The following COMMD1 variants were observed in gnomAD, a reference collection of about 807,000 sequenced individuals.
The protein encoded by COMMD1 is COMM domain-containing protein 1.
Under a neutral mutation model 17.2 loss-of-function variants are expected in COMMD1, and 10 were observed. That is an observed-to-expected ratio of 0.58 (90% CI 0.36 to 0.99). COMMD1 has a LOEUF of 0.99. COMMD1 is among the 50% of genes least tolerant of loss of function. The pLI, the probability that COMMD1 is intolerant of heterozygous loss-of-function variation, is 0.01. For missense variants in COMMD1, 270 were observed against 231.8 expected (o/e 1.17, Z -1.07); for synonymous variants, 97 against 91.6 (o/e 1.06, Z -0.34).
chr2:61,949,587 A>C (rs1460777003), intron 1 of COMMD1, among the ~76,000 whole-genome samples: 1 of 152,230 alleles, frequency 6.6e-6, no homozygotes, highest in Non-Finnish European at 1.5e-5. Context: ...AAGAGAGAAG[A>C]AATAAAAATC....
chr2:62,083,643 G>T (rs889081486), intron 2 of COMMD1, among the ~76,000 whole-genome samples: 3 of 152,156 alleles, frequency 2.0e-5, no homozygotes, highest in Admixed American at 2.0e-4. Context: ...TCTGTTTCCT[G>T]TAAGATGAAA....
chr2:62,108,313 C>T (rs2104036987), intron 2 of COMMD1, among the ~76,000 whole-genome samples: 1 of 152,124 alleles, frequency 6.6e-6, no homozygotes, highest in South Asian at 2.1e-4. Flanking sequence ...GTCTGGGGCC[C>T]TGTCAATTAA....
chr2:61,964,635 C>A (rs1171584147), intron 1 of COMMD1, among the ~76,000 whole-genome samples: 3 of 151,626 alleles, frequency 2.0e-5, no homozygotes, highest in Non-Finnish European at 2.9e-5. Context: ...GAGTTCAAGA[C>A]CAGCCTGACC....
At chr2:61,981,077 A>C (rs1390819699) in intron 1 of COMMD1, among the ~76,000 whole-genome samples, 1 of 152,140 alleles carries the variant, frequency 6.6e-6, no homozygotes, top group South Asian at 2.1e-4. Flanking sequence ...ATAGTTTACA[A>C]ATATTTTCTC....
intron 1 of COMMD1, among the ~76,000 whole-genome samples, chr2:61,994,869 G>T (rs960396985): frequency 2.0e-5 from 3 of 152,154 alleles, no homozygotes; most frequent in Non-Finnish European, 4.4e-5. Flanking sequence ...ATTGGGACCA[G>T]TCAGTGCGCC....
chr2:62,041,718 C>A (rs1446986541), intron 2 of COMMD1, among the ~76,000 whole-genome samples: 1 of 152,138 alleles, frequency 6.6e-6, no homozygotes, highest in Non-Finnish European at 1.5e-5. Context: ...GCCGCGGACC[C>A]TCACGGGTGA....
At chr2:61,971,614 T>A (rs912711114) in intron 1 of COMMD1, among the ~76,000 whole-genome samples, 2 of 152,088 alleles carry the variant, frequency 1.3e-5, no homozygotes, top group African/African-American at 4.8e-5. Flanking sequence ...AGAAGCCTCA[T>A]GATATCCCAC....
intron 2 of COMMD1, among the ~76,000 whole-genome samples, chr2:62,019,011 C>G (rs1317034034): frequency 6.6e-6 from 1 of 151,680 alleles, no homozygotes; most frequent in Non-Finnish European, 1.5e-5. Flanking sequence ...CTCCTACAAC[C>G]AACCAACCAA....
intron 2 of COMMD1, among the ~76,000 whole-genome samples, chr2:62,075,624 C>T (rs1183267650): frequency 6.6e-6 from 1 of 152,136 alleles, no homozygotes; most frequent in Non-Finnish European, 1.5e-5. Context: ...ATGAATTTCC[C>T]AAGGCTTCAT....
At chr2:61,998,068 C>T (rs1301119874) in intron 1 of COMMD1, among the ~76,000 whole-genome samples, 2 of 152,142 alleles carry the variant, frequency 1.3e-5, no homozygotes, top group African/African-American at 2.4e-5. Flanking sequence ...ATGAACCAAC[C>T]TTGCTTCAAA....
chr2:61,915,594 A>T (rs975368878), intron 1 of COMMD1: 3 of 383,078 alleles, frequency 7.8e-6, no homozygotes, highest in African/African-American at 6.4e-5. Context: ...GGCTCCAATG[A>T]TCCTCCCACC....
intron 2 of COMMD1, among the ~76,000 whole-genome samples, chr2:62,058,260 A>G (rs1014416180): frequency 6.6e-6 from 1 of 152,220 alleles, no homozygotes; most frequent in East Asian, 1.9e-4. Context: ...CACATGATCT[A>G]TGTCCATACT....
chr2:61,913,305 T>C (rs1669957965), intron 1 of COMMD1, among the ~76,000 whole-genome samples: 1 of 145,322 alleles, frequency 6.9e-6, no homozygotes, highest in African/African-American at 2.6e-5. Flanking sequence ...AGGCGGAGGT[T>C]GTGGTGAGCC....
chr2:62,128,643 C>G (rs1205429982), intron 2 of COMMD1, among the ~76,000 whole-genome samples: 1 of 152,048 alleles, frequency 6.6e-6, no homozygotes, highest in East Asian at 1.9e-4. Context: ...CTTAAGATAT[C>G]AAAGTGCTAC....
At chr2:62,016,133 A>G (rs1381988421) in intron 2 of COMMD1, among the ~76,000 whole-genome samples, 1 of 150,792 alleles carries the variant, frequency 6.6e-6, no homozygotes, top group Non-Finnish European at 1.5e-5. Context: ...ATGCCCGGCC[A>G]GGTTTGCCCA....
Position 62,065,930 on chromosome 2 carries a change from GA to G in COMMD1, c.462+64949del, listed in dbSNP as rs576045372. On this transcript the variant is annotated intron_variant, in intron 2 of 2. Coordinates refer to ENST00000311832, the MANE Select transcript of COMMD1 (RefSeq NM_152516.4). ...CTATGAAAGAAAAATAAGAGAAAAA[GA>G]GAGAAATAAGAGTGGGAAATAGCTA... Among the ~76,000 whole-genome samples, 19 of 152,314 alleles carry G rather than the reference GA, an allele frequency of 1.2e-4. No individual in the cohort carries two copies. In the South Asian group the frequency reaches 3.7e-3, roughly 30 times the overall value.
chr2:62,033,909 A>G (rs1018187959), intron 2 of COMMD1, among the ~76,000 whole-genome samples: 6 of 152,060 alleles, frequency 3.9e-5, no homozygotes, highest in African/African-American at 1.4e-4. Flanking sequence ...CAGGAGTTCA[A>G]TACCAGCCTG....
chr2:61,936,288 A>G (rs1193526407), intron 1 of COMMD1, among the ~76,000 whole-genome samples: 8 of 152,186 alleles, frequency 5.3e-5, no homozygotes, highest in Non-Finnish European at 1.2e-4. Flanking sequence ...GAGTACCTTT[A>G]TAATTCTTTC....
intron 2 of COMMD1, among the ~76,000 whole-genome samples, chr2:62,073,021 G>A (rs1023942056): frequency 2.6e-5 from 4 of 152,218 alleles, no homozygotes; most frequent in African/African-American, 9.6e-5. Context: ...CAAGCCCAGT[G>A]GTAAGCCCAG....
Sources: allele counts gnomAD v4.1 joint callset (sites outside exome capture counted in the v4.1 genomes callset), GRCh38; gene constraint gnomAD v4.1.1; transcripts MANE v1.5; gene names NCBI Gene and HGNC (gene_info 2026-07-23, HGNC 2026-07-21).